Variants in SLIT2 observed in about 807,000 individuals in gnomAD.
SLIT2 encodes slit guidance ligand 2, also known as slit homolog 2 protein.
SLIT2 carries 41 observed loss-of-function variants against 185.7 expected under a neutral mutation model. The observed-to-expected ratio is 0.22, with a 90% CI of 0.17 to 0.29. The LOEUF (loss-of-function observed/expected upper bound fraction) is 0.29, where lower values mean the gene tolerates loss of function less well. Among genes scored for constraint, SLIT2 ranks in the 10% least tolerant of loss-of-function variants. The pLI, the probability that SLIT2 is intolerant of heterozygous loss-of-function variation, is 1.00. For synonymous variants in SLIT2, 693 were observed against 680.2 expected, an observed-to-expected ratio of 1.02 and a Z score of -0.29; for missense variants, 1,571 against 1,909.0, an observed-to-expected ratio of 0.82 and a Z score of 3.30.
intron 8 of SLIT2, chr4:20,490,770 T>C: frequency 6.8e-7 from 1 of 1,472,550 alleles, no homozygotes. Flanking sequence ...AACCACTTTT[T>C]TCTCTCTTCA....
intron 4 of SLIT2, among the ~76,000 whole-genome samples, chr4:20,441,885 A>G (rs1031878016): frequency 6.6e-6 from 1 of 152,196 alleles, no homozygotes; most frequent in East Asian, 1.9e-4. Context: ...AACATTATCT[A>G]TGTAATTATC....
intron 4 of SLIT2, among the ~76,000 whole-genome samples, chr4:20,277,972 A>T (rs1366064783): frequency 1.3e-5 from 2 of 151,932 alleles, no homozygotes; most frequent in Non-Finnish European, 2.9e-5. Flanking sequence ...TACTGTCAAG[A>T]GTAGCTGCAT....
chr4:20,532,538 A>G (rs1242885289), intron 17 of SLIT2, among the ~76,000 whole-genome samples: 3 of 152,204 alleles, frequency 2.0e-5, no homozygotes, highest in Admixed American at 6.5e-5. Flanking sequence ...AAATAAGTTC[A>G]TAAGCTCAGC....
intron 33 of SLIT2, among the ~76,000 whole-genome samples, chr4:20,607,604 C>G (rs1048901290): frequency 3.3e-5 from 5 of 152,132 alleles, no homozygotes; most frequent in African/African-American, 1.2e-4. Context: ...CCTCCAAGTT[C>G]CCATCTGACA....
chr4:20,264,311 C>T (rs1455789027), intron 3 of SLIT2, among the ~76,000 whole-genome samples: 1 of 151,768 alleles, frequency 6.6e-6, no homozygotes, highest in Non-Finnish European at 1.5e-5. Flanking sequence ...TATGCTTGAT[C>T]ATTCATGTAG....
At chr4:20,257,011 TA>T (rs1711920045) in intron 2 of SLIT2, among the ~76,000 whole-genome samples, 1 of 152,126 alleles carries the variant, frequency 6.6e-6, no homozygotes, top group African/African-American at 2.4e-5. Context: ...TTTATGCATA[TA>T]AAAATGTTGA....
At chr4:20,282,209 G>T (rs2109058706) in intron 4 of SLIT2, among the ~76,000 whole-genome samples, 1 of 152,206 alleles carries the variant, frequency 6.6e-6, no homozygotes, top group South Asian at 2.1e-4. Context: ...TTTAAAAAGA[G>T]AAAAGTGGTC....
chr4:20,556,752 A>AAAG (rs11399571), intron 26 of SLIT2, among the ~76,000 whole-genome samples: 33 of 151,878 alleles, frequency 2.2e-4, no homozygotes, highest in African/African-American at 7.0e-4. Context: ...AACAACAAAA[A>AAAG]TGTAGCAAGG....
At position 20,253,839 on chromosome 4, in the gene SLIT2, G is replaced by A. The variant is rs751834371; in HGVS notation, c.24G>A (p.Met8Ile). The A allele has an allele frequency of 1.4e-5, 22 of 1,599,756 alleles. No homozygotes were observed. In the South Asian group the frequency reaches 2.1e-4, roughly 15 times the overall value. MRGVGWQ[M>I]LSLSLGLVLA... The stretch of plus-strand genomic sequence containing the variant: ...AGATGCGCGGCGTTGGCTGGCAGAT[G>A]CTGTCCCTGTCGCTGGGGTTAGTGC... The change falls in exon 1 of 37, where the codon ATG (methionine) becomes ATA (isoleucine). Residue 8 changes from methionine to isoleucine, a missense_variant. This residue lies in a region of SLIT2 where 1,202 missense variants were observed against 1,416.4 expected (regional missense o/e 0.85). Transcript: ENST00000504154.
chr4:20,376,542 A>AT (rs1281230291), intron 4 of SLIT2, among the ~76,000 whole-genome samples: 3 of 152,014 alleles, frequency 2.0e-5, no homozygotes, highest in Non-Finnish European at 1.5e-5. Context: ...GCATCAGTTT[A>AT]TTTTTCTACT....
intron 8 of SLIT2, chr4:20,489,903 A>G (rs1717621476): frequency 6.6e-6 from 1 of 152,160 alleles, no homozygotes; most frequent in African/African-American, 2.4e-5. Flanking sequence ...CCTGGGTAAC[A>G]TGGTGAAACC....
chr4:20,257,877 G>A lies in SLIT2; in HGVS notation c.261G>A (p.Met87Ile). The A allele has an allele frequency of 6.5e-7, 1 of 1,548,878 alleles. No homozygotes were observed. ...GLRHLRVLQL[M>I]ENKISTIERG... ...ATATTTTGCATTTCAGTCAGCTTAT[G>A]GAGAATAAGATTAGCACCATTGAAA... The change falls in exon 3 of 37, where the codon ATG becomes ATA. Residue 87 changes from methionine (M) to isoleucine (I), a missense_variant. Physicochemically the swap from Met to Ile is conservative, Grantham distance 10. Around this residue, in one of 3 missense-constraint regions of SLIT2, gnomAD observed 1,202 missense variants for 1,416.4 expected, o/e 0.85. Transcript: ENST00000504154.
intron 29 of SLIT2, among the ~76,000 whole-genome samples, chr4:20,588,020 T>G (rs1203791227): frequency 6.6e-6 from 1 of 152,194 alleles, no homozygotes; most frequent in Non-Finnish European, 1.5e-5. Flanking sequence ...ATAGATTTGG[T>G]TAGAAACTGA....
chr4:20,594,203 GTA>G (rs768860539), intron 30 of SLIT2, among the ~76,000 whole-genome samples: 72 of 149,058 alleles, frequency 4.8e-4, no homozygotes, highest in East Asian at 6.0e-4. Flanking sequence ...ACATATGTAT[GTA>G]TGTGTGTATA....
chr4:20,463,576 A>G (rs540442527), intron 4 of SLIT2, among the ~76,000 whole-genome samples: 2 of 145,412 alleles, frequency 1.4e-5, no homozygotes, highest in African/African-American at 5.1e-5. Context: ...CTCCAACTAG[A>G]TTTAAAAAAT....
intron 4 of SLIT2, among the ~76,000 whole-genome samples, chr4:20,270,911 G>A (rs1330637496): frequency 6.6e-6 from 1 of 151,892 alleles, no homozygotes; most frequent in African/African-American, 2.4e-5. Context: ...GTGAATTGTT[G>A]AGTGCTTTTT....
chr4:20,404,204 G>A lies in SLIT2; in HGVS notation c.396-63548G>A, dbSNP rs987519622. On this transcript the variant is annotated intron_variant, in intron 4 of 36. Coordinates refer to ENST00000504154, the MANE Select transcript of SLIT2 (RefSeq NM_004787.4). ...TACATTTTTTAAGAAGCTATTACTAGTTTCTATTGTGTCTTAGCAAATTCT... is the reference window on the plus strand; with the variant it reads ...TACATTTTTTAAGAAGCTATTACTAATTTCTATTGTGTCTTAGCAAATTCT... Among the ~76,000 whole-genome samples the A allele has an allele frequency of 2.4e-4, 36 of 152,030 alleles. 1 individual carries two copies. Among genetic ancestry groups the A allele is most frequent in the South Asian group, 1.5e-3 (7 of 4,822 alleles).
chr4:20,521,993 A>G (rs970342971), intron 12 of SLIT2, among the ~76,000 whole-genome samples: 3 of 152,216 alleles, frequency 2.0e-5, no homozygotes, highest in African/African-American at 7.2e-5. Context: ...ATAGCTAGAT[A>G]TAGCTTGATG....
intron 5 of SLIT2, among the ~76,000 whole-genome samples, chr4:20,472,593 T>TATCG (rs1715613617): frequency 1.9e-4 from 5 of 26,520 alleles, no homozygotes; most frequent in Non-Finnish European, 2.8e-4. Context: ...TATATAGATA[T>TATCG]ATATCTATAG....
Sources: gnomAD v4.1 joint callset for allele counts (sites outside exome capture counted in the v4.1 genomes callset) on GRCh38, gnomAD v4.1.1 for gene constraint, gnomAD v4.1.1 regional missense constraint, MANE v1.5 for transcripts, NCBI Gene and HGNC (gene_info 2026-07-23, HGNC 2026-07-21) for gene names.